The following PAPSS2 variants were observed in gnomAD, a reference collection of about 807,000 sequenced individuals.
The protein encoded by PAPSS2 is bifunctional 3'-phosphoadenosine 5'-phosphosulfate synthase 2.
PAPSS2 carries 61 observed loss-of-function variants against 66.5 expected under a neutral mutation model. The observed-to-expected ratio is 0.92, with a 90% CI of 0.75 to 1.14. The LOEUF (loss-of-function observed/expected upper bound fraction) is 1.14, where lower values mean the gene tolerates loss of function less well. PAPSS2 is among the 50% of genes most tolerant of loss of function. The pLI is 0.00. For synonymous variants in PAPSS2, 289 were observed against 287.5 expected (o/e 1.01, Z -0.05); for missense variants, 708 against 789.6 (o/e 0.90, Z 1.24).
chr10:87,731,064 G>A (rs1853721870), intron 9 of PAPSS2, among the ~76,000 whole-genome samples: 1 of 152,222 alleles, frequency 6.6e-6, no homozygotes, highest in South Asian at 2.1e-4. Context: ...GATTTTCAGA[G>A]CTAAAGAAGA....
chr10:87,704,052 GC>G, intron 1 of PAPSS2: 1 of 496,144 alleles, frequency 2.0e-6, no homozygotes, highest in Non-Finnish European at 4.0e-6. Context: ...AAAGTTTTTG[GC>G]CACTCTGCCC....
intron 1 of PAPSS2, among the ~76,000 whole-genome samples, chr10:87,698,795 A>G (rs1853266807): frequency 6.6e-6 from 1 of 152,208 alleles, no homozygotes. Flanking sequence ...CTGAGGCAGG[A>G]CGATTGCTTG....
chr10:87,712,291 T>C (rs1419017663), intron 2 of PAPSS2, among the ~76,000 whole-genome samples: 2 of 152,148 alleles, frequency 1.3e-5, no homozygotes, highest in African/African-American at 4.8e-5. Flanking sequence ...TGTAAGACGG[T>C]TGTTCAGTGG....
At position 87,715,069 on chromosome 10, in the gene PAPSS2, G is replaced by A; in HGVS notation, c.724G>A (p.Glu242Lys). ...ACTTGACCACGTCCGAGCTGAGGCTGAAACTCTCCCTTCATTATCAATTAC... is the reference window on the plus strand; with the variant it reads ...ACTTGACCACGTCCGAGCTGAGGCTAAAACTCTCCCTTCATTATCAATTAC... ...NKLDHVRAEA[E>K]TLPSLSITKL... Residue 242 changes from glutamate (E) to lysine (K), a missense_variant, in exon 6 of 13, where the codon GAA (glutamate) becomes AAA (lysine). Coordinates refer to ENST00000456849, the MANE Select transcript of PAPSS2 (RefSeq NM_001015880.2). 6.2e-7 allele frequency: 1 copy of A among 1,611,068 alleles called. No homozygotes were observed.
At chr10:87,710,049 T>C (rs1853444963) in intron 2 of PAPSS2, among the ~76,000 whole-genome samples, 1 of 152,154 alleles carries the variant, frequency 6.6e-6, no homozygotes, top group Non-Finnish European at 1.5e-5. Flanking sequence ...ATTTCTGGAC[T>C]CAAAAGGAAA....
intron 1 of PAPSS2, among the ~76,000 whole-genome samples, chr10:87,695,289 G>A (rs1323378889): frequency 6.6e-6 from 1 of 152,218 alleles, no homozygotes; most frequent in East Asian, 1.9e-4. Context: ...CTCTTCATAA[G>A]AGCACTAATT....
chr10:87,735,386 C>T (rs556460477), intron 9 of PAPSS2, among the ~76,000 whole-genome samples: 8 of 152,254 alleles, frequency 5.3e-5, no homozygotes, highest in African/African-American at 1.7e-4. Flanking sequence ...CGGTTTGATG[C>T]CCCCTTCACC....
In PAPSS2 at chr10:87,743,610, C is replaced by T. The variant is rs556500812; in HGVS notation, c.1460C>T (p.Pro487Leu). 1.2e-5 allele frequency: 20 copies of T among 1,614,116 alleles called. No individual in the cohort carries two copies. The highest frequency in any genetic ancestry group is 1.2e-4 in the African/African-American group (9 of 75,026). ...DPKSTIVAIF[P>L]SPMLYAGPTE... Reference sequence around the variant, plus strand: ...AAGTCAACCATTGTTGCCATCTTTCCGTCTCCCATGTTATATGCTGGCCCC... The same window carrying T: ...AAGTCAACCATTGTTGCCATCTTTCTGTCTCCCATGTTATATGCTGGCCCC... Residue 487 changes from proline (P) to leucine (L), a missense_variant, in exon 11 of 13, where the codon CCG (proline) becomes CTG (leucine). By Grantham distance (98) the Pro-to-Leu change is moderately conservative. Coordinates refer to ENST00000456849, the MANE Select transcript of PAPSS2 (RefSeq NM_001015880.2).
chr10:87,738,137 G>T (rs1337012963), intron 9 of PAPSS2, among the ~76,000 whole-genome samples: 2 of 152,098 alleles, frequency 1.3e-5, no homozygotes, highest in African/African-American at 4.8e-5. Context: ...GCACATTTGG[G>T]TTGCTTCCAC....
At chr10:87,730,628 C>T (rs1052932215) in intron 9 of PAPSS2, among the ~76,000 whole-genome samples, 7 of 152,132 alleles carry the variant, frequency 4.6e-5, no homozygotes, top group African/African-American at 1.7e-4. Flanking sequence ...TTTGTATTTT[C>T]CAGCCCTTTT....
chr10:87,669,195 T>TA (rs1216864847), intron 1 of PAPSS2, among the ~76,000 whole-genome samples: 2 of 152,128 alleles, frequency 1.3e-5, no homozygotes, highest in African/African-American at 2.4e-5. Context: ...ATTGTTTTAT[T>TA]AAAAAAAGGG....
chr10:87,691,416 T>C (rs1853170003), intron 1 of PAPSS2, among the ~76,000 whole-genome samples: 1 of 152,092 alleles, frequency 6.6e-6, no homozygotes, highest in Non-Finnish European at 1.5e-5. Flanking sequence ...AAAATCCATA[T>C]TTAACCTACG....
chr10:87,660,652 C>A (rs1035668497), intron 1 of PAPSS2, among the ~76,000 whole-genome samples: 2 of 151,880 alleles, frequency 1.3e-5, no homozygotes, highest in Non-Finnish European at 2.9e-5. Context: ...ACACTTTTAC[C>A]CAGAATTAAT....
Position 87,738,682 on chromosome 10 carries a change from C to T in PAPSS2, c.1087-2553C>T, listed in dbSNP as rs534521210. ...ACTTGGCTCATGCTGGGATTACAGG[C>T]GTGAGCCACTGTGCCCAGCCATTTT... is the stretch of plus-strand genomic sequence containing the variant. On this transcript the variant is annotated intron_variant, in intron 9 of 12. Coordinates refer to ENST00000456849, the MANE Select transcript of PAPSS2 (RefSeq NM_001015880.2). Among the ~76,000 whole-genome samples, 4 of 152,290 alleles carry T rather than the reference C, an allele frequency of 2.6e-5. 1 individual carries two copies. Among genetic ancestry groups the T allele is most frequent in the South Asian group, 4.1e-4 (2 of 4,828 alleles).
intron 1 of PAPSS2, among the ~76,000 whole-genome samples, chr10:87,706,245 A>G (rs950366145): frequency 4.0e-5 from 6 of 150,090 alleles, no homozygotes; most frequent in Admixed American, 2.0e-4. Flanking sequence ...GTTTGGTACT[A>G]TATTTCCAGT....
chr10:87,666,536 G>A (rs1224179670), intron 1 of PAPSS2, among the ~76,000 whole-genome samples: 1 of 152,018 alleles, frequency 6.6e-6, no homozygotes, highest in Admixed American at 6.6e-5. Flanking sequence ...ACAGTGTGGA[G>A]TGGGGAGTGC....
chr10:87,678,589 G>A (rs1394889620), intron 1 of PAPSS2, among the ~76,000 whole-genome samples: 10 of 110,030 alleles, frequency 9.1e-5, no homozygotes, highest in African/African-American at 1.9e-4. Flanking sequence ...ACCCAGCAGC[G>A]TAAAAAAAAA....
chr10:87,724,959 G>T (rs1853641871), intron 8 of PAPSS2, among the ~76,000 whole-genome samples: 1 of 151,506 alleles, frequency 6.6e-6, no homozygotes, highest in African/African-American at 2.4e-5. Flanking sequence ...GGGAGGCTGG[G>T]GACCCCGAGA....
chr10:87,745,011 C>T lies in PAPSS2; in HGVS notation c.1501C>T (p.His501Tyr), dbSNP rs2131732198. Residue 501 changes from histidine (H) to tyrosine (Y), a missense_variant, in exon 12 of 13, where the codon CAC (histidine) becomes TAC (tyrosine). Physicochemically the swap from His to Tyr is moderately conservative, Grantham distance 83. Transcript: ENST00000456849. ...TATGGACATTTTCTAGGTCCAGTGG[C>T]ACTGCAGGTCCCGGATGATTGCGGG... ...LYAGPTEVQW[H>Y]CRSRMIAGAN... 1 of 1,613,928 alleles carries T rather than the reference C, an allele frequency of 6.2e-7. No homozygotes were observed.
Sources: allele counts gnomAD v4.1 joint callset (sites outside exome capture counted in the v4.1 genomes callset), GRCh38; gene constraint gnomAD v4.1.1; transcripts MANE v1.5; gene names NCBI Gene and HGNC (gene_info 2026-07-23, HGNC 2026-07-21).